Variants in PLEKHG4B observed in about 807,000 individuals in gnomAD.
The protein encoded by PLEKHG4B is pleckstrin homology domain-containing family G member 4B.
PLEKHG4B carries 111 observed loss-of-function variants against 121.3 expected under a neutral mutation model. The ratio of observed to expected loss-of-function variants is 0.92; its 90% CI spans 0.78 to 1.07. The LOEUF (loss-of-function observed/expected upper bound fraction) is 1.07, where lower values mean the gene tolerates loss of function less well. Ranked by LOEUF, PLEKHG4B falls within the 50% of genes least tolerant of loss-of-function variation. The pLI is 0.00. For missense variants in PLEKHG4B, 1,831 were observed against 1,757.8 expected (o/e 1.04, Z -0.74); for synonymous variants, 738 against 725.0 (o/e 1.02, Z -0.29).
chr5:105,373 C>A (rs753546115), intron 1 of PLEKHG4B, among the ~76,000 whole-genome samples: 6 of 152,200 alleles, frequency 3.9e-5, no homozygotes, highest in Non-Finnish European at 8.8e-5. Context: ...TGTACCTACT[C>A]CTATTTATAT....
rs4956987 is a variant in PLEKHG4B at position 173,991 on chromosome 5, G to A, written c.4295G>A (p.Arg1432Gln). The change falls in exon 18 of 20, where the codon CGG (arginine) becomes CAG (glutamine). Residue 1432 changes from arginine to glutamine, a missense_variant. Physicochemically the swap from Arg to Gln is conservative, Grantham distance 43. Coordinates refer to ENST00000637938, the MANE Select transcript of PLEKHG4B (RefSeq NM_052909.5). ...LRFEIWFRRRRKSQDTYILQA... is the reference protein window; with the variant it reads ...LRFEIWFRRRQKSQDTYILQA... ...TTTGAGATTTGGTTTCGCAGGCGGC[G>A]GAAATCTCAGGACACCTACATTCTC... 833,462 of 1,609,650 alleles carry A rather than the reference G, an allele frequency of 0.52. 224,801 individuals are homozygous for A. The highest frequency in any genetic ancestry group is 0.56 in the Non-Finnish European group (659,465 of 1,178,396).
In PLEKHG4B at chr5:92,203, C is replaced by A. The variant is rs1052593113; in HGVS notation, c.-29C>A. The A allele has an allele frequency of 1.4e-5, 5 of 368,866 alleles. No individual in the cohort carries two copies. Among genetic ancestry groups the A allele is most frequent in the Non-Finnish European group, 2.4e-5 (5 of 208,364 alleles). 22.8% of individuals were successfully genotyped at this position (368,866 alleles called of 1,614,324 possible). On this transcript the variant is annotated 5_prime_UTR_variant, in exon 1 of 20. Coordinates refer to ENST00000637938, the MANE Select transcript of PLEKHG4B (RefSeq NM_052909.5). ...GGGACCAGGCAGAGTTCGGGGAAAG[C>A]GTCGGAGTTCGGGAGACCAGGGTCC...
At chr5:134,076 A>AATATATATATAT (rs67940117) in intron 2 of PLEKHG4B, among the ~76,000 whole-genome samples, 6 of 40,292 alleles carry the variant, frequency 1.5e-4, no homozygotes, top group African/African-American at 2.3e-4. Flanking sequence ...TATATGATAG[A>AATATATATATAT]ATATATATAT....
At chr5:164,985 CTAATGCTCTGACGGGGCAGGGCTCACAG>C (rs1560945925) in intron 13 of PLEKHG4B, among the ~76,000 whole-genome samples, 1 of 52,210 alleles carries the variant, frequency 1.9e-5, no homozygotes, top group Non-Finnish European at 4.2e-5. Context: ...GGAGCTCACA[CTAATGCTCTGACGGGGCAGGGCTCACAG>C]TAATGCTCTG....
intron 17 of PLEKHG4B, 95 bp from the exon 18 acceptor site, chr5:173,822 TG>T (rs1736653454): frequency 1.4e-6 from 2 of 1,397,452 alleles, no homozygotes; most frequent in Non-Finnish European, 1.9e-6. Flanking sequence ...ATTTGGTGTC[TG>T]GGTGAAGTGA....
At chr5:109,617 A>T (rs1023677100) in intron 1 of PLEKHG4B, among the ~76,000 whole-genome samples, 1 of 152,178 alleles carries the variant, frequency 6.6e-6, no homozygotes, top group Non-Finnish European at 1.5e-5. Flanking sequence ...CGAGCCAGGG[A>T]GTGCAGATAG....
At chr5:175,166 C>T (rs1736718664) in intron 18 of PLEKHG4B, among the ~76,000 whole-genome samples, 1 of 152,102 alleles carries the variant, frequency 6.6e-6, no homozygotes, top group Admixed American at 6.5e-5. Context: ...TGCCCCTGCC[C>T]TGCTGGTCTG....
intron 7 of PLEKHG4B, 128 bp downstream of exon 7, chr5:151,727 A>G (rs1579293630): frequency 3.4e-6 from 2 of 581,774 alleles, no homozygotes; most frequent in Non-Finnish European, 5.7e-6. Context: ...CTGGAAACCT[A>G]CTTCCTACCC....
rs1733459594 is a variant in PLEKHG4B at position 182,755 on chromosome 5, A to T, written c.*432A>T. 5.2e-6 allele frequency: 1 copy of T among 190,650 alleles called. No homozygotes were observed. Among genetic ancestry groups the T allele is most frequent in the African/African-American group, 2.3e-5 (1 of 42,964 alleles). The allele number at this position is 190,650 out of a possible 1,614,324, so 11.8% of individuals were successfully genotyped here. ...GCCTCAGTGCAGGGAGGGGCCCAGGAAGAGCCCAGCAGCCTCCGTGAGTTG... is the reference window on the plus strand; with the variant it reads ...GCCTCAGTGCAGGGAGGGGCCCAGGTAGAGCCCAGCAGCCTCCGTGAGTTG... On this transcript the variant is annotated 3_prime_UTR_variant, in exon 20 of 20. Coordinates refer to ENST00000637938, the MANE Select transcript of PLEKHG4B (RefSeq NM_052909.5).
chr5:163,795 G>C (rs950761548), intron 13 of PLEKHG4B, among the ~76,000 whole-genome samples: 1 of 152,206 alleles, frequency 6.6e-6, no homozygotes, highest in Admixed American at 6.5e-5. Flanking sequence ...CACTCACTCT[G>C]ACGGTTAAGT....
At chr5:146,079 T>A (rs1210111967) in intron 6 of PLEKHG4B, among the ~76,000 whole-genome samples, 1 of 148,364 alleles carries the variant, frequency 6.7e-6, no homozygotes, top group African/African-American at 2.5e-5. Flanking sequence ...CTCACTCCTC[T>A]CCCCACTTGG....
rs1735912493 is a variant in PLEKHG4B at position 159,254 on chromosome 5, AGGGTCGCCCAGGTGCACTGAGGGCAGGTG to A, written c.2487+2344_2487+2372del. Among the ~76,000 whole-genome samples, 2 of 150,174 alleles carry A rather than the reference AGGGTCGCCCAGGTGCACTGAGGGCAGGTG, an allele frequency of 1.3e-5. No individual in the cohort carries two copies. The highest frequency in any genetic ancestry group is 5.0e-5 in the African/African-American group (2 of 40,358). On this transcript the variant is annotated intron_variant, in intron 11 of 19. Coordinates refer to ENST00000637938, the MANE Select transcript of PLEKHG4B (RefSeq NM_052909.5). The surrounding 1 kb of genome is among the most constrained non-coding windows in gnomAD (Gnocchi z 5.5). ...GGTGCACTGAGGGCAGGTGTGCCTG[AGGGTCGCCCAGGTGCACTGAGGGCAGGTG>A]TGCCTGAGGGTCGCCCAGGTGCACC...
intron 1 of PLEKHG4B, among the ~76,000 whole-genome samples, chr5:108,538 TGGTGTAGACAGACTGGGTGCAGATGGCTG>T (rs1579240894): frequency 7.1e-6 from 1 of 139,972 alleles, no homozygotes; most frequent in Non-Finnish European, 1.5e-5. Flanking sequence ...TGCAGATGGC[TGGTGTAGACAGACTGGGTGCAGATGGCTG>T]GGTGTAGACA....
At position 113,480 on chromosome 5, in the gene PLEKHG4B, G is replaced by A. The variant is rs1734218109; in HGVS notation, c.243+32G>A. ...ACCTCCCTTGTAGCTCTGAGACCGT[G>A]GCCAACCTGGAGGAACCTGCCCTTT... On this transcript the variant is annotated intron_variant, in intron 2 of 19. Coordinates refer to ENST00000637938, the MANE Select transcript of PLEKHG4B (RefSeq NM_052909.5). The surrounding 1 kb of genome is among the most constrained non-coding windows in gnomAD (Gnocchi z 5.2). 2.5e-6 allele frequency: 1 copy of A among 399,002 alleles called. No homozygotes were observed. Among genetic ancestry groups the A allele is most frequent in the East Asian group, 3.6e-5 (1 of 28,062 alleles). The allele number at this position is 399,002 out of a possible 1,614,324, so 24.7% of individuals were successfully genotyped here. A position where few individuals can be genotyped will look rare whatever the true frequency, so the allele number is the denominator to read the frequency against.
intron 18 of PLEKHG4B, 137 bp from the exon 19 acceptor site, chr5:181,377 G>A (rs1480791446): frequency 1.2e-6 from 1 of 869,410 alleles, no homozygotes; most frequent in Non-Finnish European, 1.7e-6. Context: ...GGCCCCCCAT[G>A]CCCCTCGTGG....
In PLEKHG4B at chr5:102,314, CT is replaced by C. The variant is rs112302750; in HGVS notation, c.45+10048del. On this transcript the variant is annotated intron_variant, in intron 1 of 19. Transcript: ENST00000637938. ...TATTATTGTTATGAGTATAATTAAGCTTTTTTTTTTAGGATTTGACTATATT... is the reference window on the plus strand; with the variant it reads ...TATTATTGTTATGAGTATAATTAAGCTTTTTTTTTAGGATTTGACTATATT... Among the ~76,000 whole-genome samples, 624 of 147,568 alleles carry C rather than the reference CT, an allele frequency of 4.2e-3. 3 individuals are homozygous for C. Among genetic ancestry groups the C allele is most frequent in the African/African-American group, 0.013 (513 of 40,178 alleles).
chr5:135,043 G>C (rs1362471487), intron 2 of PLEKHG4B, among the ~76,000 whole-genome samples: 1 of 151,510 alleles, frequency 6.6e-6, no homozygotes, highest in Non-Finnish European at 1.5e-5. Context: ...CAAAAACTTA[G>C]CTGGGCATGG....
chr5:161,576 T>A (rs1366673532), intron 11 of PLEKHG4B, among the ~76,000 whole-genome samples: 2 of 152,142 alleles, frequency 1.3e-5, no homozygotes, highest in African/African-American at 4.8e-5. Context: ...GTTCTTCCCC[T>A]GTGTAGATCA....
At chr5:165,074 G>A (rs984125339) in intron 13 of PLEKHG4B, among the ~76,000 whole-genome samples, 4 of 104,546 alleles carry the variant, frequency 3.8e-5, no homozygotes, top group South Asian at 3.9e-4. Flanking sequence ...TCACACTAAT[G>A]CTCTGACGGG....
Sources: allele counts gnomAD v4.1 joint callset (sites outside exome capture counted in the v4.1 genomes callset), GRCh38; gene constraint gnomAD v4.1.1; non-coding constraint Gnocchi (gnomAD v3.1); transcripts MANE v1.5; gene names NCBI Gene and HGNC (gene_info 2026-07-23, HGNC 2026-07-21).